The following CSF2RA variants were observed in gnomAD, a reference collection of about 807,000 sequenced individuals.
The protein encoded by CSF2RA is granulocyte-macrophage colony-stimulating factor receptor subunit alpha.
In CSF2RA, 42 loss-of-function variants were observed where a neutral mutation model predicts 51.6. The observed-to-expected ratio is 0.81, with a 90% CI of 0.64 to 1.05. CSF2RA has a LOEUF of 1.05. Among genes scored for constraint, CSF2RA ranks in the 50% least tolerant of loss-of-function variants. CSF2RA has a pLI of 0.00. For synonymous variants in CSF2RA, 222 were observed against 193.0 expected, an observed-to-expected ratio of 1.15 and a Z score of -1.24; for missense variants, 530 against 501.1, an observed-to-expected ratio of 1.06 and a Z score of -0.55.
At chrX:1,282,636 G>T (rs1384419295) in intron 2 of CSF2RA, 42 bp from the exon 3 acceptor site, 3 of 1,426,684 alleles carry the variant, frequency 2.1e-6, no homozygotes, top group Non-Finnish European at 3.0e-6. Flanking sequence ...AATGTCCTGG[G>T]AGAGGCAACC....
At chrX:1,320,664 A>ATTTTTTTTTT in the CSF2RA span, among the ~76,000 whole-genome samples, 1 of 123,382 alleles carries the variant, frequency 8.1e-6, no homozygotes, top group Non-Finnish European at 1.7e-5. Context: ...TGCCCAGCTA[A>ATTTTTTTTTT]TTTTTTTTTT....
the CSF2RA span, among the ~76,000 whole-genome samples, chrX:1,322,439 GTTT>G: frequency 0.02 from 2,381 of 120,644 alleles, 67 homozygotes; most frequent in African/African-American, 0.071. Context: ...GTGTGTGTTT[GTTT>G]TTTTTTTTTT....
the CSF2RA span, among the ~76,000 whole-genome samples, chrX:1,315,781 AGATAGATAG>A: frequency 2.8e-5 from 2 of 71,082 alleles, no homozygotes; most frequent in African/African-American, 9.2e-5. Flanking sequence ...ATAGATAGAT[AGATAGATAG>A]ATAGATAGAT....
chrX:1,300,002 G>A (rs770980938), intron 9 of CSF2RA, among the ~76,000 whole-genome samples: 5 of 152,036 alleles, frequency 3.3e-5, no homozygotes, highest in African/African-American at 4.8e-5. Flanking sequence ...CGGATCACGA[G>A]GTGAGGAGAT....
At chrX:1,288,698 CATCAA>C (rs2091047372) in intron 5 of CSF2RA, 56 bp downstream of exon 5, 2 of 1,613,822 alleles carry the variant, frequency 1.2e-6, no homozygotes, top group African/African-American at 1.3e-5. Context: ...ACCCCGCCAG[CATCAA>C]AGTACATCCC....
At chrX:1,318,289 A>G in the CSF2RA span, among the ~76,000 whole-genome samples, 459 of 150,794 alleles carry the variant, frequency 3.0e-3, 3 homozygotes, top group African/African-American at 0.011. Flanking sequence ...TCAGCCTCCC[A>G]AGTAGCTGGG....
At chrX:1,284,606 T>C (rs1341298026) in intron 3 of CSF2RA, among the ~76,000 whole-genome samples, 4 of 150,258 alleles carry the variant, frequency 2.7e-5, no homozygotes, top group Non-Finnish European at 5.9e-5. Flanking sequence ...TTAAATTTTT[T>C]TTTTTTTAAA....
intron 11 of CSF2RA, among the ~76,000 whole-genome samples, chrX:1,304,802 T>C (rs1438821736): frequency 3.3e-5 from 5 of 150,546 alleles, no homozygotes; most frequent in East Asian, 3.9e-4. Context: ...GTAGCTGGGA[T>C]TACAGGCATG....
At chrX:1,314,972 G>GCA (rs1569515168), downstream of CSF2RA, among the ~76,000 whole-genome samples, 310 of 45,196 alleles carry the variant, frequency 6.9e-3, 60 homozygotes, top group East Asian at 0.083. Flanking sequence ...ACCCCACTGT[G>GCA]CCTGCCCAAT....
chrX:1,311,597 C>A (rs1222441999), downstream of CSF2RA, among the ~76,000 whole-genome samples: 1 of 151,844 alleles, frequency 6.6e-6, no homozygotes, highest in Non-Finnish European at 1.5e-5. Flanking sequence ...CCATTCCCGG[C>A]TACTTTTTTT....
intron 10 of CSF2RA, among the ~76,000 whole-genome samples, chrX:1,301,331 C>CAAAA (rs1156943650): frequency 1.1e-3 from 72 of 62,692 alleles, no homozygotes; most frequent in East Asian, 2.2e-3. Flanking sequence ...GACTCTGTCT[C>CAAAA]AAAAAAAAAA....
intron 12 of CSF2RA, chrX:1,306,079 C>CTA (rs2083538426): frequency 2.8e-6 from 1 of 359,276 alleles, no homozygotes; most frequent in Non-Finnish European, 5.3e-6. Context: ...GAGACTCCAT[C>CTA]TCAAAAGAAA....
the CSF2RA span, among the ~76,000 whole-genome samples, chrX:1,320,229 T>C: frequency 6.6e-6 from 1 of 151,722 alleles, no homozygotes; most frequent in African/African-American, 2.4e-5. Flanking sequence ...AGTTTCAGCA[T>C]GTTGGTCAGG....
At chrX:1,307,892 A>T (rs1265246895) in intron 12 of CSF2RA, among the ~76,000 whole-genome samples, 1 of 140,224 alleles carries the variant, frequency 7.1e-6, no homozygotes, top group African/African-American at 2.5e-5. Flanking sequence ...CCTTTGACTG[A>T]TTAGATGAGA....
At chrX:1,299,005 C>T (rs1380956578) in intron 9 of CSF2RA, among the ~76,000 whole-genome samples, 10 of 152,284 alleles carry the variant, frequency 6.6e-5, no homozygotes, top group Middle Eastern at 3.4e-3. Flanking sequence ...ACTCTTAGTG[C>T]CAGTGTGGCC....
the CSF2RA span, among the ~76,000 whole-genome samples, chrX:1,324,599 A>G: frequency 6.6e-6 from 1 of 151,788 alleles, no homozygotes; most frequent in Non-Finnish European, 1.5e-5. Context: ...AGAAAGAGAG[A>G]AAGAAAAGCA....
downstream of CSF2RA, among the ~76,000 whole-genome samples, chrX:1,314,526 T>C (rs377328464): frequency 0.086 from 2,676 of 31,256 alleles, 199 homozygotes; most frequent in African/African-American, 0.11. Context: ...ACCTGCCCAA[T>C]CCCACTGCAC....
At chrX:1,289,701 T>G (rs1476977977) in intron 6 of CSF2RA, among the ~76,000 whole-genome samples, 6 of 151,686 alleles carry the variant, frequency 4.0e-5, no homozygotes, top group Non-Finnish European at 8.8e-5. Flanking sequence ...TTGTTTTGTG[T>G]TTTTTTGTTT....
intron 12 of CSF2RA, 161 bp downstream of exon 12, chrX:1,305,688 C>T: frequency 1.3e-6 from 2 of 1,571,002 alleles, no homozygotes; most frequent in Non-Finnish European, 1.7e-6. Flanking sequence ...TGGGCCTTCT[C>T]CCGGGTCGGG....
Sources: gnomAD v4.1 joint callset for allele counts (sites outside exome capture counted in the v4.1 genomes callset) on GRCh38, gnomAD v4.1.1 for gene constraint, MANE v1.5 for transcripts, NCBI Gene and HGNC (gene_info 2026-07-23, HGNC 2026-07-21) for gene names.